The following RIT2 variants were observed in gnomAD, a reference collection of about 807,000 sequenced individuals.
RIT2 encodes the protein Ras like without CAAX 2, also known as GTP-binding protein Rit2.
Under a neutral mutation model 23.7 loss-of-function variants are expected in RIT2, and 24 were observed. The ratio of observed to expected loss-of-function variants is 1.01; its 90% confidence interval spans 0.73 to 1.43. The LOEUF is 1.43. RIT2 is among the 40% of genes most tolerant of loss of function. RIT2 has a pLI of 0.00. For synonymous variants in RIT2, 107 were observed against 91.1 expected, an observed-to-expected ratio of 1.17 and a Z score of -0.99; for missense variants, 236 against 266.9, an observed-to-expected ratio of 0.88 and a Z score of 0.81.
chr18:42,795,455 T>C (rs983715796), intron 4 of RIT2, among the ~76,000 whole-genome samples: 2 of 152,206 alleles, frequency 1.3e-5, no homozygotes, highest in African/African-American at 2.4e-5. Flanking sequence ...CACCGGGACT[T>C]AGCTGCCTTC....
At chr18:42,949,290 T>C (rs1909795291) in intron 3 of RIT2, among the ~76,000 whole-genome samples, 1 of 151,980 alleles carries the variant, frequency 6.6e-6, no homozygotes, top group Admixed American at 6.6e-5. Flanking sequence ...AAATAACAAA[T>C]AGAGAGAGGC....
intron 1 of RIT2, among the ~76,000 whole-genome samples, chr18:43,061,048 A>G (rs989584004): frequency 2.0e-5 from 3 of 152,156 alleles, no homozygotes; most frequent in African/African-American, 7.2e-5. Flanking sequence ...TGTAATATCT[A>G]CATTATATAT....
chr18:42,862,420 T>C (rs1345793280), intron 4 of RIT2, among the ~76,000 whole-genome samples: 1 of 152,214 alleles, frequency 6.6e-6, no homozygotes, highest in Non-Finnish European at 1.5e-5. Context: ...TAGTTCTTTA[T>C]AGCATGTGAA....
At chr18:43,054,548 T>C (rs1405925038) in intron 1 of RIT2, among the ~76,000 whole-genome samples, 2 of 151,998 alleles carry the variant, frequency 1.3e-5, no homozygotes, top group African/African-American at 4.8e-5. Flanking sequence ...ACAAATGATA[T>C]CTGTAAAATA....
In RIT2 at chr18:42,918,992, T is replaced by C. The variant is rs150119844; in HGVS notation, c.426+4580A>G. Among the ~76,000 whole-genome samples, 670 of 152,268 alleles carry C rather than the reference T, an allele frequency of 4.4e-3. 2 individuals are homozygous for C. Among genetic ancestry groups the C allele is most frequent in the African/African-American group, 0.015 (626 of 41,574 alleles). On this transcript the variant is annotated intron_variant, in intron 4 of 4. Coordinates refer to ENST00000326695, the MANE Select transcript of RIT2 (RefSeq NM_002930.4). ...CATTGCACCTATGAATTGTGCTATATTGTTCAACATGTAATTGTATTATTT... is the reference window on the plus strand; with the variant it reads ...CATTGCACCTATGAATTGTGCTATACTGTTCAACATGTAATTGTATTATTT...
At position 42,923,637 on chromosome 18, in the gene RIT2, G is replaced by A. The variant is rs767747736; in HGVS notation, c.361C>T (p.Arg121Cys). Residue 121 changes from arginine (R) to cysteine (C), a missense_variant, in exon 4 of 5, where the codon CGC becomes TGC. Physicochemically the swap from Arg to Cys is radical, Grantham distance 180. Coordinates refer to ENST00000326695, the MANE Select transcript of RIT2 (RefSeq NM_002930.4). Reference protein sequence around the residue: ...AKFKELIFQVRHTYEIPLVLV... With the variant: ...AKFKELIFQVCHTYEIPLVLV... ...ACCAGGGGAATTTCATAGGTGTGGCGGACCTGAAAAATGAGCTCTTTAAAC... is the reference window on the plus strand; with the variant it reads ...ACCAGGGGAATTTCATAGGTGTGGCAGACCTGAAAAATGAGCTCTTTAAAC... 10 of 1,613,154 alleles carry A rather than the reference G, an allele frequency of 6.2e-6. No homozygotes were observed. The highest frequency in any genetic ancestry group is 1.7e-5 in the Admixed American group (1 of 59,914).
At chr18:42,760,647 T>A (rs1913278849) in intron 4 of RIT2, among the ~76,000 whole-genome samples, 1 of 152,230 alleles carries the variant, frequency 6.6e-6, no homozygotes, top group Non-Finnish European at 1.5e-5. Context: ...TGCCACTTAC[T>A]AGTTGAATGA....
rs8089416 is a variant in RIT2, at chr18:43,052,149, C to T, written c.104-18282G>A. On this transcript the variant is annotated intron_variant, in intron 1 of 4. Transcript: ENST00000326695. ...CTATTCAACAGTGGCTAATAAATAA[C>T]GACAACTTATTTTCCTTCTCTCAAT... is the stretch of plus-strand genomic sequence containing the variant. Among the ~76,000 whole-genome samples, 545 of 152,216 alleles carry T rather than the reference C, an allele frequency of 3.6e-3. 3 individuals carry two copies. Among genetic ancestry groups the T allele is most frequent in the African/African-American group, 0.012 (504 of 41,552 alleles).
At chr18:42,938,851 G>A (rs989025672) in intron 3 of RIT2, among the ~76,000 whole-genome samples, 9 of 152,006 alleles carry the variant, frequency 5.9e-5, no homozygotes, top group South Asian at 2.1e-4. Flanking sequence ...TGACCCTCCC[G>A]TCTCAGCCTC....
chr18:42,816,196 C>A (rs1052906419), intron 4 of RIT2, among the ~76,000 whole-genome samples: 1 of 152,074 alleles, frequency 6.6e-6, no homozygotes, highest in Admixed American at 6.5e-5. Flanking sequence ...TAAATACCCC[C>A]CCATGGCTGA....
chr18:42,864,987 G>C (rs1320500437), intron 4 of RIT2, among the ~76,000 whole-genome samples: 1 of 152,174 alleles, frequency 6.6e-6, no homozygotes, highest in Non-Finnish European at 1.5e-5. Flanking sequence ...CTGAGCTTCA[G>C]TCTGATTGAC....
intron 2 of RIT2, among the ~76,000 whole-genome samples, chr18:43,016,595 C>T (rs1355250510): frequency 6.6e-6 from 1 of 151,636 alleles, no homozygotes; most frequent in African/African-American, 2.4e-5. Context: ...GTCATAAGCA[C>T]ACCAACTCTA....
At chr18:43,026,898 GGAGA>G (rs1361514748) in intron 2 of RIT2, among the ~76,000 whole-genome samples, 1 of 151,984 alleles carries the variant, frequency 6.6e-6, no homozygotes, top group African/African-American at 2.4e-5. Flanking sequence ...AAGGGAATGT[GGAGA>G]GAGACAATAA....
chr18:43,031,200 C>T (rs1911846554), intron 2 of RIT2, among the ~76,000 whole-genome samples: 1 of 151,824 alleles, frequency 6.6e-6, no homozygotes. Context: ...AATTCCTATG[C>T]ATCTTTCAAA....
At chr18:43,104,143 A>G (rs1913753663) in intron 1 of RIT2, among the ~76,000 whole-genome samples, 1 of 152,256 alleles carries the variant, frequency 6.6e-6, no homozygotes, top group Non-Finnish European at 1.5e-5. Context: ...CACAACATGG[A>G]TGAACCTGGA....
intron 1 of RIT2, among the ~76,000 whole-genome samples, chr18:43,036,115 C>G (rs957996024): frequency 6.6e-6 from 1 of 152,022 alleles, no homozygotes; most frequent in African/African-American, 2.4e-5. Flanking sequence ...AAATTTTGAA[C>G]AAATTTAAGA....
chr18:43,059,295 G>A (rs954638173), intron 1 of RIT2, among the ~76,000 whole-genome samples: 10 of 152,224 alleles, frequency 6.6e-5, no homozygotes, highest in African/African-American at 2.4e-4. Context: ...TCAACAGTGA[G>A]TTTCAGAAAC....
intron 4 of RIT2, among the ~76,000 whole-genome samples, chr18:42,837,664 A>G (rs566179321): frequency 1.3e-5 from 2 of 152,280 alleles, no homozygotes; most frequent in South Asian, 2.1e-4. Flanking sequence ...GCAAAACTAC[A>G]TGACAGGAAG....
At chr18:42,920,765 T>C in intron 4 of RIT2, 1 of 1,589,674 alleles carries the variant, frequency 6.3e-7, no homozygotes, top group Non-Finnish European at 8.5e-7. Context: ...TGTAGGCTGA[T>C]AAGGAATAAG....
Sources: allele counts gnomAD v4.1 joint callset (sites outside exome capture counted in the v4.1 genomes callset), GRCh38; gene constraint gnomAD v4.1.1; transcripts MANE v1.5; gene names NCBI Gene and HGNC (gene_info 2026-07-23, HGNC 2026-07-21).